Variants in ASAP1 observed in about 807,000 individuals in gnomAD.
ASAP1 encodes the protein arf-GAP with SH3 domain, ANK repeat and PH domain-containing protein 1.
ASAP1 carries 43 observed loss-of-function variants against 145.2 expected under a neutral mutation model. The observed-to-expected ratio is 0.30, with a 90% CI of 0.23 to 0.38. The LOEUF is 0.38. ASAP1 is among the 10% of genes least tolerant of loss of function. The probability of loss-of-function intolerance (pLI) is 1.00; values close to 1 mark genes in which losing one functional copy is unlikely to be tolerated. For synonymous variants in ASAP1, 546 were observed against 515.5 expected, an observed-to-expected ratio of 1.06 and a Z score of -0.80; for missense variants, 1,018 against 1,355.3, an observed-to-expected ratio of 0.75 and a Z score of 3.91.
chr8:130,429,804 G>A (rs1157582492), intron 1 of ASAP1, among the ~76,000 whole-genome samples: 1 of 152,162 alleles, frequency 6.6e-6, no homozygotes, highest in Non-Finnish European at 1.5e-5. Flanking sequence ...GATTCTTTGG[G>A]AAAAATGAGT....
At position 130,112,262 on chromosome 8, in the gene ASAP1, T is replaced by C. The variant is rs1164845180; in HGVS notation, c.2233A>G (p.Ile745Val). ...AGTGCCAGCTTGTCCTGGGGGGAGA[T>C]GCTGGAGGAGTGGCAGAAGCTCTGA... ...RPQSFCHSSS[I>V]SPQDKLALPG... The change falls in exon 24 of 30, where the codon ATC becomes GTC. Residue 745 changes from isoleucine to valine, a missense_variant. By Grantham distance (29) the Ile-to-Val change is conservative. Coordinates refer to ENST00000518721, the MANE Select transcript of ASAP1 (RefSeq NM_018482.4). The C allele has an allele frequency of 5.0e-6, 8 of 1,614,114 alleles. No individual in the cohort carries two copies. The highest frequency in any genetic ancestry group is 1.6e-4 in the Middle Eastern group (1 of 6,062).
At chr8:130,196,694 TTC>T (rs1191967570) in intron 5 of ASAP1, among the ~76,000 whole-genome samples, 1 of 152,178 alleles carries the variant, frequency 6.6e-6, no homozygotes, top group African/African-American at 2.4e-5. Flanking sequence ...TGCCCATTGG[TTC>T]TCTCTCTCTC....
chr8:130,343,125 C>T (rs139327594), intron 3 of ASAP1, among the ~76,000 whole-genome samples: 1 of 152,318 alleles, frequency 6.6e-6, no homozygotes, highest in East Asian at 1.9e-4. Context: ...CTGGCCATGT[C>T]TGGTCTTTAA....
intron 15 of ASAP1, among the ~76,000 whole-genome samples, chr8:130,130,085 T>G (rs928090182): frequency 1.3e-5 from 2 of 152,226 alleles, no homozygotes; most frequent in Non-Finnish European, 2.9e-5. Context: ...TGGCTAATAT[T>G]GGCCAGTATC....
chr8:130,428,968 C>G (rs1830046323), intron 1 of ASAP1, among the ~76,000 whole-genome samples: 1 of 152,214 alleles, frequency 6.6e-6, no homozygotes, highest in African/African-American at 2.4e-5. Flanking sequence ...CGGTTCTTCT[C>G]AGAGAGAATC....
chr8:130,361,220 G>A (rs1001895623), intron 2 of ASAP1: 1 of 188,282 alleles, frequency 5.3e-6, no homozygotes, highest in Admixed American at 5.3e-5. Context: ...AAAAGTCAGT[G>A]TTTAATTGCC....
intron 11 of ASAP1, chr8:130,160,697 A>G: frequency 1.1e-6 from 1 of 897,194 alleles, no homozygotes; most frequent in Non-Finnish European, 1.5e-6. Context: ...GTAAGAAATA[A>G]AATCAACAAC....
intron 2 of ASAP1, among the ~76,000 whole-genome samples, chr8:130,401,654 G>T (rs1159260859): frequency 1.3e-5 from 2 of 152,124 alleles, no homozygotes; most frequent in South Asian, 2.1e-4. Flanking sequence ...CCACCACCCA[G>T]ACAACTTTCC....
intron 2 of ASAP1, among the ~76,000 whole-genome samples, chr8:130,367,642 G>A (rs752729281): frequency 6.6e-6 from 1 of 152,128 alleles, no homozygotes; most frequent in Admixed American, 6.5e-5. Flanking sequence ...GCTCTCAGAG[G>A]TCCCTTGGCA....
chr8:130,357,222 G>T, intron 3 of ASAP1, among the ~76,000 whole-genome samples: 1 of 146,718 alleles, frequency 6.8e-6, no homozygotes, highest in South Asian at 2.3e-4. Context: ...CACCAGCAAC[G>T]CTTTCCTGAA....
intron 3 of ASAP1, among the ~76,000 whole-genome samples, chr8:130,320,631 A>T (rs1823942909): frequency 1.7e-5 from 1 of 58,218 alleles, no homozygotes; most frequent in African/African-American, 8.3e-5. Context: ...GGCTGTATGA[A>T]GGAGGAAGAG....
intron 3 of ASAP1, among the ~76,000 whole-genome samples, chr8:130,250,979 A>T (rs997041995): frequency 6.6e-6 from 1 of 152,228 alleles, no homozygotes; most frequent in Non-Finnish European, 1.5e-5. Context: ...TTAAAGAAAC[A>T]TGTTTAACTC....
At chr8:130,205,524 A>G (rs1019956427) in intron 5 of ASAP1, among the ~76,000 whole-genome samples, 1 of 151,754 alleles carries the variant, frequency 6.6e-6, no homozygotes, top group Non-Finnish European at 1.5e-5. Flanking sequence ...GTTATGGTAC[A>G]GATATACAAT....
At chr8:130,174,836 T>G (rs1214553124) in intron 9 of ASAP1, among the ~76,000 whole-genome samples, 2 of 152,242 alleles carry the variant, frequency 1.3e-5, no homozygotes, top group African/African-American at 4.8e-5. Context: ...TCATTCACAT[T>G]CAGCATTGTG....
intron 13 of ASAP1, among the ~76,000 whole-genome samples, chr8:130,147,918 G>C (rs2097636275): frequency 6.6e-6 from 1 of 152,230 alleles, no homozygotes; most frequent in African/African-American, 2.4e-5. Context: ...TGAGAAAAAA[G>C]TGACAATAAA....
intron 3 of ASAP1, among the ~76,000 whole-genome samples, chr8:130,298,920 G>T (rs954203470): frequency 6.6e-6 from 1 of 152,178 alleles, no homozygotes; most frequent in Non-Finnish European, 1.5e-5. Flanking sequence ...TATTAGGGCG[G>T]CAGAAAACAC....
chr8:130,128,139 ATTTTTT>A (rs745416119), intron 15 of ASAP1, 49 bp from the exon 16 acceptor site: 753 of 179,002 alleles, frequency 4.2e-3, no homozygotes, highest in Middle Eastern at 0.02. Flanking sequence ...GAGCATGGTC[ATTTTTT>A]TTTTTTTTTT....
At chr8:130,190,581 G>A (rs573120328) in intron 5 of ASAP1, among the ~76,000 whole-genome samples, 2 of 152,200 alleles carry the variant, frequency 1.3e-5, no homozygotes, top group African/African-American at 2.4e-5. Flanking sequence ...GCAGTGGCAT[G>A]ATCTCTGCTC....
intron 1 of ASAP1, among the ~76,000 whole-genome samples, chr8:130,437,600 G>A (rs976185893): frequency 1.3e-5 from 2 of 151,438 alleles, no homozygotes; most frequent in African/African-American, 4.9e-5. Context: ...TACTCAAAAG[G>A]AAATTATTTA....
Sources: allele counts gnomAD v4.1 joint callset (sites outside exome capture counted in the v4.1 genomes callset), GRCh38; gene constraint gnomAD v4.1.1; transcripts MANE v1.5; gene names NCBI Gene and HGNC (gene_info 2026-07-23, HGNC 2026-07-21).